The following TRDN variants were observed in gnomAD, a reference collection of about 807,000 sequenced individuals.
The protein encoded by TRDN is triadin in skeletal muscle.
TRDN carries 161 observed loss-of-function variants against 149.7 expected under a neutral mutation model. The ratio of observed to expected loss-of-function variants is 1.08; its 90% CI spans 0.95 to 1.23. The LOEUF (loss-of-function observed/expected upper bound fraction) is 1.23, where lower values mean the gene tolerates loss of function less well. Ranked by LOEUF, TRDN falls within the 50% of genes most tolerant of loss-of-function variation. TRDN has a pLI of 0.00. For missense variants in TRDN, 896 were observed against 823.5 expected (o/e 1.09, Z -1.08); for synonymous variants, 294 against 250.5 (o/e 1.17, Z -1.64).
intron 19 of TRDN, among the ~76,000 whole-genome samples, chr6:123,368,574 G>A (rs377197824): frequency 6.6e-6 from 1 of 152,034 alleles, no homozygotes; most frequent in Non-Finnish European, 1.5e-5. Flanking sequence ...TTTTGCCAGG[G>A]TTGGGAGTCA....
chr6:123,423,555 A>T (rs913616539), intron 12 of TRDN, among the ~76,000 whole-genome samples: 5 of 152,134 alleles, frequency 3.3e-5, no homozygotes, highest in Non-Finnish European at 2.9e-5. Context: ...AACTATTCTA[A>T]ATCTGTATGG....
chr6:123,377,294 G>A (rs1582938883), intron 18 of TRDN, among the ~76,000 whole-genome samples: 2 of 152,156 alleles, frequency 1.3e-5, no homozygotes, highest in East Asian at 3.8e-4. Flanking sequence ...AAAACAAAGC[G>A]ATGTATAATG....
chr6:123,277,653 A>T (rs1305282055), intron 26 of TRDN, among the ~76,000 whole-genome samples: 1 of 152,192 alleles, frequency 6.6e-6, no homozygotes, highest in Non-Finnish European at 1.5e-5. Flanking sequence ...AAGGAACACC[A>T]AGGATTGCTG....
chr6:123,465,600 AAAAAG>A lies in TRDN; in HGVS notation c.854-622_854-618del, dbSNP rs770006823. ...TGAACTGCAAAAAAAAAAAAAAAAA[AAAAAG>A]AGAGAGAGAGAGAAAGAAAGAAAAC... is the stretch of plus-strand genomic sequence containing the variant. On this transcript the variant is annotated intron_variant, in intron 9 of 40. Coordinates refer to ENST00000334268, the MANE Select transcript of TRDN (RefSeq NM_006073.4). 4.5e-3 allele frequency among the ~76,000 whole-genome samples: 679 copies of A among 149,442 alleles called. 2 individuals carry two copies. The highest frequency in any genetic ancestry group is 0.016 in the East Asian group (81 of 5,084).
chr6:123,509,403 A>G (rs796438708), intron 7 of TRDN: 29 of 152,218 alleles, frequency 1.9e-4, no homozygotes, highest in African/African-American at 7.0e-4. Context: ...TGATTAGTCT[A>G]GATAAGATTG....
chr6:123,627,021 C>A (rs767578276), intron 1 of TRDN, among the ~76,000 whole-genome samples: 1 of 151,788 alleles, frequency 6.6e-6, no homozygotes, highest in African/African-American at 2.4e-5. Context: ...CTCCACCACC[C>A]GGGTTCAAGT....
At chr6:123,418,619 T>C (rs1773756428) in intron 12 of TRDN, 1 of 152,066 alleles carries the variant, frequency 6.6e-6, no homozygotes, top group Non-Finnish European at 1.5e-5. Context: ...AATCTTGTTA[T>C]AGTTTGACAA....
intron 7 of TRDN, 48 bp from the exon 8 acceptor site, chr6:123,503,949 A>G (rs1778808075): frequency 6.7e-7 from 1 of 1,501,264 alleles, no homozygotes; most frequent in African/African-American, 1.4e-5. Context: ...ATTTACAAAC[A>G]TAATGTTTCA....
At chr6:123,542,775 A>C (rs1583215628) in intron 4 of TRDN, among the ~76,000 whole-genome samples, 1 of 151,920 alleles carries the variant, frequency 6.6e-6, no homozygotes, top group Non-Finnish European at 1.5e-5. Context: ...TATATTTTTT[A>C]ACTTTGCTTT....
chr6:123,488,663 T>C (rs2063763988), intron 9 of TRDN: 1 of 152,162 alleles, frequency 6.6e-6, no homozygotes, highest in South Asian at 2.1e-4. Flanking sequence ...GTTGATCTTT[T>C]TAATTTCATT....
At chr6:123,598,133 T>A (rs939171509) in intron 1 of TRDN, among the ~76,000 whole-genome samples, 1 of 152,106 alleles carries the variant, frequency 6.6e-6, no homozygotes, top group African/African-American at 2.4e-5. Context: ...GAGGTATCAC[T>A]TCATTTGTCT....
chr6:123,528,648 C>G, intron 5 of TRDN: 1 of 986,038 alleles, frequency 1.0e-6, no homozygotes, highest in Non-Finnish European at 1.2e-6. Context: ...ACATGGCATA[C>G]AGAAAACAGT....
intron 23 of TRDN, among the ~76,000 whole-genome samples, chr6:123,323,739 T>C (rs1243140010): frequency 2.6e-5 from 4 of 152,230 alleles, no homozygotes; most frequent in African/African-American, 7.2e-5. Context: ...CCCTGCCTTA[T>C]TCTGTCATCA....
chr6:123,269,003 G>A (rs534117778), intron 31 of TRDN, among the ~76,000 whole-genome samples: 14 of 151,950 alleles, frequency 9.2e-5, no homozygotes, highest in Admixed American at 2.0e-4. Flanking sequence ...TGTGTCACAC[G>A]TTCACCTTTG....
At chr6:123,509,871 T>A (rs148427082) in intron 7 of TRDN, 2 of 152,182 alleles carry the variant, frequency 1.3e-5, no homozygotes, top group East Asian at 3.9e-4. Context: ...GAATACTCAA[T>A]GTATACTGAC....
At chr6:123,516,375 T>A (rs1779410567) in intron 5 of TRDN, among the ~76,000 whole-genome samples, 169 bp from the exon 6 acceptor site, 1 of 152,138 alleles carries the variant, frequency 6.6e-6, no homozygotes, top group African/African-American at 2.4e-5. Flanking sequence ...TAATTACAGA[T>A]TTATTTCCTA....
At chr6:123,377,340 G>T (rs1781547663) in intron 18 of TRDN, among the ~76,000 whole-genome samples, 1 of 152,106 alleles carries the variant, frequency 6.6e-6, no homozygotes, top group Non-Finnish European at 1.5e-5. Context: ...GTTTTGTTTT[G>T]CTTTTACACT....
Position 123,587,325 on chromosome 6 carries a change from G to A in TRDN, c.23-16193C>T, listed in dbSNP as rs1783547174. 2.0e-5 allele frequency among the ~76,000 whole-genome samples: 3 copies of A among 152,224 alleles called. No individual in the cohort carries two copies. In the East Asian group the frequency reaches 5.8e-4, roughly 30 times the overall value. ...AGAGTTTTGGGTCCACGGATAAAAC[G>A]TGTCTCCTTTGTCTCTACCAGAAAA... On this transcript the variant is annotated intron_variant, in intron 1 of 40. Transcript: ENST00000334268.
chr6:123,289,011 T>TGG (rs35592999), intron 24 of TRDN, among the ~76,000 whole-genome samples: 2,168 of 147,008 alleles, frequency 0.015, 54 homozygotes, highest in African/African-American at 0.051. Context: ...TTTAAAAATG[T>TGG]GGGGGGTGTG....
Sources: allele counts gnomAD v4.1 joint callset (sites outside exome capture counted in the v4.1 genomes callset), GRCh38; gene constraint gnomAD v4.1.1; transcripts MANE v1.5; gene names NCBI Gene and HGNC (gene_info 2026-07-23, HGNC 2026-07-21).